The following BCAT1 variants were observed in gnomAD, a reference collection of about 807,000 sequenced individuals.
The protein encoded by BCAT1 is branched-chain-amino-acid aminotransferase, cytosolic.
In BCAT1, 48 loss-of-function variants were observed where a neutral mutation model predicts 52.4. That is an observed-to-expected ratio of 0.92 (90% CI 0.73 to 1.16). BCAT1 has a LOEUF of 1.16. Among genes scored for constraint, BCAT1 ranks in the 50% most tolerant of loss-of-function variants. The probability of loss-of-function intolerance (pLI) is 0.00; values close to 1 mark genes in which losing one functional copy is unlikely to be tolerated. For synonymous variants in BCAT1, 167 were observed against 161.3 expected (o/e 1.04, Z -0.27); for missense variants, 451 against 457.1 (o/e 0.99, Z 0.12).
chr12:24,889,281 G>A (rs1425600604), intron 3 of BCAT1, among the ~76,000 whole-genome samples: 3 of 152,084 alleles, frequency 2.0e-5, no homozygotes, highest in Admixed American at 6.5e-5. Flanking sequence ...CCCAGACAAC[G>A]TAGCCACTTC....
At chr12:24,930,801 T>A (rs774446648) in intron 1 of BCAT1, among the ~76,000 whole-genome samples, 3 of 152,074 alleles carry the variant, frequency 2.0e-5, no homozygotes, top group Non-Finnish European at 2.9e-5. Flanking sequence ...AGTTTAGTCA[T>A]CCTTTAGAAG....
rs375466553 is a variant in BCAT1, at chr12:24,922,739, G to A, written c.7-20854C>T. ...TACAAAAATTAGCCGGTGTGGCAGC[G>A]CGCGCCTGTAGTCCCAGCTACTCGG... On this transcript the variant is annotated intron_variant, in intron 1 of 10. Coordinates refer to ENST00000261192, the MANE Select transcript of BCAT1 (RefSeq NM_005504.7). Among the ~76,000 whole-genome samples the A allele has an allele frequency of 9.3e-4, 141 of 151,910 alleles. 3 individuals are homozygous for A. The South Asian group carries it at 0.028, about 30-fold the overall frequency.
chr12:24,891,754 G>GT (rs768039557), intron 3 of BCAT1, among the ~76,000 whole-genome samples: 4,872 of 142,072 alleles, frequency 0.034, 217 homozygotes, highest in African/African-American at 0.1. Context: ...AGAGGTTTTT[G>GT]TTTTTTTTTT....
intron 1 of BCAT1, among the ~76,000 whole-genome samples, chr12:24,920,462 T>TGC (rs1943485034): frequency 6.6e-6 from 1 of 152,218 alleles, no homozygotes; most frequent in African/African-American, 2.4e-5. Flanking sequence ...ATTTTTTATT[T>TGC]TTGGGGTAGC....
chr12:24,924,187 A>G (rs544999402), intron 1 of BCAT1, among the ~76,000 whole-genome samples: 96 of 152,338 alleles, frequency 6.3e-4, no homozygotes, highest in African/African-American at 2.2e-3. Context: ...ACTGCCTTTG[A>G]GTAATTCTTA....
At chr12:24,865,351 C>T (rs1023341911) in intron 5 of BCAT1, among the ~76,000 whole-genome samples, 1 of 152,230 alleles carries the variant, frequency 6.6e-6, no homozygotes, top group Non-Finnish European at 1.5e-5. Context: ...AAAAGGAAAA[C>T]AGCATCTCTT....
intron 9 of BCAT1, chr12:24,830,494 T>G (rs1429351533): frequency 6.6e-6 from 1 of 152,246 alleles, no homozygotes; most frequent in Non-Finnish European, 1.5e-5. Context: ...GCTTCTAATT[T>G]GTATCTGAGT....
At position 24,836,498 on chromosome 12, in the gene BCAT1, C is replaced by G. The variant is rs769306694; in HGVS notation, c.903+13G>C. 42 of 1,606,382 alleles carry G rather than the reference C, an allele frequency of 2.6e-5. No homozygotes were observed. Among genetic ancestry groups the G allele is most frequent in the Non-Finnish European group, 3.3e-5 (39 of 1,175,376 alleles). On this transcript the variant is annotated intron_variant, in intron 8 of 10. Transcript: ENST00000261192. The stretch of plus-strand genomic sequence containing the variant: ...TCAGGCTTACAAAAGTTGTTCATAT[C>G]AAAGGCACCCACCCACTGATGTGCC...
At chr12:24,947,361 A>C (rs1046511170) in intron 1 of BCAT1, among the ~76,000 whole-genome samples, 2 of 152,202 alleles carry the variant, frequency 1.3e-5, no homozygotes, top group Non-Finnish European at 2.9e-5. Context: ...CCCATTCTGC[A>C]TGTGTCTGTC....
At chr12:24,895,104 A>G (rs1475299586) in intron 2 of BCAT1, among the ~76,000 whole-genome samples, 1 of 152,248 alleles carries the variant, frequency 6.6e-6, no homozygotes. Context: ...TCTTATTTAA[A>G]CAAAGATAAA....
chr12:24,942,311 C>T (rs1208037999), intron 1 of BCAT1, among the ~76,000 whole-genome samples: 3 of 152,110 alleles, frequency 2.0e-5, no homozygotes, highest in Admixed American at 6.6e-5. Context: ...GAGGCCAAGG[C>T]GGGCGGATCA....
chr12:24,924,370 A>G (rs1448676576), intron 1 of BCAT1, among the ~76,000 whole-genome samples: 2 of 152,264 alleles, frequency 1.3e-5, no homozygotes, highest in Non-Finnish European at 2.9e-5. Context: ...CACAGTCTCA[A>G]AGTCTTGTGC....
At position 24,829,776 on chromosome 12, in the gene BCAT1, AAAAAGAAAAGAAAAGG is replaced by A. The variant is rs777398839; in HGVS notation, c.1119+31_1119+46del. The A allele has an allele frequency of 1.6e-4, 198 of 1,255,122 alleles. 1 individual carries two copies. In the African/African-American group the frequency reaches 2.6e-3, roughly 16 times the overall value. The allele number at this position is 1,255,122 out of a possible 1,614,324, so 77.7% of individuals were successfully genotyped here. ...TCTGACAGAAATAAGGTGACATAAA[AAAAAGAAAAGAAAAGG>A]AAAGAAAAGAAAAGAAAAGAAAAGC... On this transcript the variant is annotated intron_variant, in intron 10 of 10. Transcript: ENST00000261192.
intron 1 of BCAT1, among the ~76,000 whole-genome samples, chr12:24,938,433 G>GT (rs1391912030): frequency 6.6e-6 from 1 of 152,156 alleles, no homozygotes; most frequent in Non-Finnish European, 1.5e-5. Flanking sequence ...TCTACTGTGG[G>GT]TCGAGTTAAG....
chr12:24,934,631 G>A (rs1257438898), intron 1 of BCAT1, among the ~76,000 whole-genome samples: 1 of 152,146 alleles, frequency 6.6e-6, no homozygotes, highest in Non-Finnish European at 1.5e-5. Flanking sequence ...TTGGCTCACT[G>A]CAACCTCTGC....
intron 10 of BCAT1, among the ~76,000 whole-genome samples, chr12:24,825,111 TTGTGTGTGTGTG>T (rs71448088): frequency 1.3e-5 from 2 of 148,830 alleles, no homozygotes; most frequent in South Asian, 4.3e-4. Context: ...TAGTACCACA[TTGTGTGTGTGTG>T]TGTGTGTGTG....
At chr12:24,894,601 T>G in intron 2 of BCAT1, 126 bp from the exon 3 acceptor site, 1 of 801,770 alleles carries the variant, frequency 1.2e-6, no homozygotes, top group Non-Finnish European at 1.9e-6. Context: ...ACACAGAAAT[T>G]TAACACTCTG....
intron 5 of BCAT1, among the ~76,000 whole-genome samples, chr12:24,869,168 C>A (rs1942110585): frequency 6.6e-6 from 1 of 152,150 alleles, no homozygotes; most frequent in African/African-American, 2.4e-5. Flanking sequence ...AGAAATGAAG[C>A]AAATACATAC....
intron 2 of BCAT1, among the ~76,000 whole-genome samples, chr12:24,898,430 C>T (rs1366380482): frequency 6.8e-6 from 1 of 146,762 alleles, no homozygotes; most frequent in Non-Finnish European, 1.5e-5. Context: ...GTTGGGTAAT[C>T]ATTTGTTCTG....
Sources: allele counts gnomAD v4.1 joint callset (sites outside exome capture counted in the v4.1 genomes callset), GRCh38; gene constraint gnomAD v4.1.1; transcripts MANE v1.5; gene names NCBI Gene and HGNC (gene_info 2026-07-23, HGNC 2026-07-21).